Variants in SHMT2 observed in about 807,000 individuals in gnomAD.
SHMT2 encodes serine hydroxymethyltransferase 2, also known as serine hydroxymethyltransferase, mitochondrial.
A neutral mutation model predicts 59.6 loss-of-function variants in SHMT2; 38 were observed. The ratio of observed to expected loss-of-function variants is 0.64; its 90% CI spans 0.49 to 0.84. SHMT2 has a LOEUF of 0.84. Ranked by LOEUF, SHMT2 falls within the 40% of genes least tolerant of loss-of-function variation. SHMT2 has a pLI of 0.00. For synonymous variants in SHMT2, 254 were observed against 258.1 expected (o/e 0.98, Z 0.15); for missense variants, 533 against 659.5 (o/e 0.81, Z 2.10).
chr12:57,233,447 A>G, intron 8 of SHMT2, 102 bp downstream of exon 8: 1 of 1,504,914 alleles, frequency 6.6e-7, no homozygotes, highest in Non-Finnish European at 9.0e-7. Context: ...GGGAAATGCC[A>G]GGATGGAAGG....
chr12:57,232,346 C>A (rs2136789270), intron 5 of SHMT2, 54 bp downstream of exon 5: 7 of 1,613,038 alleles, frequency 4.3e-6, no homozygotes, highest in Non-Finnish European at 5.9e-6. Flanking sequence ...TGGTCCTCCC[C>A]TGGAGAAGCT....
Position 57,231,009 on chromosome 12 carries a change from T to C in SHMT2, c.231+9T>C. 1.2e-6 allele frequency: 2 copies of C among 1,612,778 alleles called. No homozygotes were observed. ...AGCTCATTGCCTCAGAGGTGGGACC[T>C]GGGGAGATGGGCAGGGGTTGGGCCA... is the stretch of plus-strand genomic sequence containing the variant. On this transcript the variant is annotated intron_variant, in intron 2 of 11. Coordinates refer to ENST00000328923, the MANE Select transcript of SHMT2 (RefSeq NM_005412.6).
At position 57,231,792 on chromosome 12, in the gene SHMT2, C is replaced by A. The variant is rs1415175004; in HGVS notation, c.391C>A (p.Pro131Thr). Residue 131 changes from proline to threonine, a missense_variant, in exon 4 of 12, where the codon CCT (proline) becomes ACT (threonine). By Grantham distance (38) the Pro-to-Thr change is conservative. Transcript: ENST00000328923. ...GGCCTTGGAAGCCTTTGACCTGGATCCTGCACAGTGGGGAGTCAATGTCCA... is the reference window on the plus strand; with the variant it reads ...GGCCTTGGAAGCCTTTGACCTGGATACTGCACAGTGGGGAGTCAATGTCCA... ...RRALEAFDLD[P>T]AQWGVNVQPY... The A allele has an allele frequency of 1.2e-6, 2 of 1,614,036 alleles. No individual in the cohort carries two copies. Among genetic ancestry groups the A allele is most frequent in the South Asian group, 1.1e-5 (1 of 91,090 alleles).
chr12:57,234,487 C>A lies in SHMT2; in HGVS notation c.*126C>A. On this transcript the variant is annotated 3_prime_UTR_variant, in exon 12 of 12. Coordinates refer to ENST00000328923, the MANE Select transcript of SHMT2 (RefSeq NM_005412.6). ...AAGACCTCTCACTTAGGGCAAGAGCCAGGTATAGTCTCCCTTCCCAGAATT... is the reference window on the plus strand; with the variant it reads ...AAGACCTCTCACTTAGGGCAAGAGCAAGGTATAGTCTCCCTTCCCAGAATT... 1.0e-6 allele frequency: 1 copy of A among 977,096 alleles called. No individual in the cohort carries two copies. Among genetic ancestry groups the A allele is most frequent in the Non-Finnish European group, 1.4e-6 (1 of 694,830 alleles). 60.5% of individuals were successfully genotyped at this position (977,096 alleles called of 1,614,324 possible). A position where few individuals can be genotyped will look rare whatever the true frequency, so the allele number is the denominator to read the frequency against.
intron 2 of SHMT2, 54 bp from the exon 3 acceptor site, chr12:57,231,427 G>A (rs2037312537): frequency 6.4e-7 from 1 of 1,567,042 alleles, no homozygotes; most frequent in African/African-American, 1.3e-5. Context: ...AGGGACTGTG[G>A]GAGTCCAGGG....
At position 57,229,718 on chromosome 12, in the gene SHMT2, C is replaced by G. The variant is rs780826184; in HGVS notation, c.-61C>G. The G allele has an allele frequency of 5.6e-6, 9 of 1,606,922 alleles. No homozygotes were observed. Among genetic ancestry groups the G allele is most frequent in the African/African-American group, 1.3e-5 (1 of 74,910 alleles). On this transcript the variant is annotated 5_prime_UTR_variant, in exon 1 of 12. Transcript: ENST00000328923. ...ATGCGTTCTCCGAACGGTCTTCTTC[C>G]GACAGCTTGCTGCCCTAGACCAGAG...
At position 57,231,516 on chromosome 12, in the gene SHMT2, G is replaced by T; in HGVS notation, c.267G>T (p.Gly89=). ...GCCGAGCTGCGCTGGAGGCCCTGGGGTCCTGTCTGAACAACAAGTACTCGG... is the reference window on the plus strand; with the variant it reads ...GCCGAGCTGCGCTGGAGGCCCTGGGTTCCTGTCTGAACAACAAGTACTCGG... ...FCSRAALEAL[G]SCLNNKYSEG... is the part of the protein sequence containing the mutation. The change falls in exon 3 of 12, where the codon GGG becomes GGT. Residue 89 remains glycine, a synonymous_variant. Transcript: ENST00000328923. 3 of 1,614,244 alleles carry T rather than the reference G, an allele frequency of 1.9e-6. No individual in the cohort carries two copies. Among genetic ancestry groups the T allele is most frequent in the Non-Finnish European group, 2.5e-6 (3 of 1,180,038 alleles).
At chr12:57,230,713 T>C in intron 1 of SHMT2, 90 bp from the exon 2 acceptor site, 2 of 1,517,442 alleles carry the variant, frequency 1.3e-6, no homozygotes, top group Non-Finnish European at 1.8e-6. Context: ...AACTGGCAGC[T>C]TGGTGTGGCC....
intron 1 of SHMT2, 28 bp downstream of exon 1, chr12:57,229,839 A>T: frequency 6.2e-7 from 1 of 1,613,824 alleles, no homozygotes; most frequent in Admixed American, 1.7e-5. Context: ...AACGCTGGGT[A>T]ATCAGTGGAA....
Position 57,232,564 on chromosome 12 carries a change from C to T in SHMT2, c.706C>T (p.Arg236Cys), listed in dbSNP as rs143192247. 2.1e-4 allele frequency: 332 copies of T among 1,614,036 alleles called. No individual in the cohort carries two copies. Among genetic ancestry groups the T allele is most frequent in the Non-Finnish European group, 2.7e-4 (314 of 1,180,022 alleles). ...SAYARLIDYA[R>C]MREVCDEVKA... ...CTATGCTCGCCTCATTGACTACGCC[C>T]GCATGAGAGAGGTTGGTGGGGGGGG... The change falls in exon 6 of 12, where the codon CGC becomes TGC. Residue 236 changes from arginine (R) to cysteine (C), a missense_variant. Arg to Cys is a radical substitution (Grantham distance 180). Coordinates refer to ENST00000328923, the MANE Select transcript of SHMT2 (RefSeq NM_005412.6).
rs777491878 is a variant in SHMT2, at chr12:57,234,437, C to T, written c.*76C>T. On this transcript the variant is annotated 3_prime_UTR_variant, in exon 12 of 12. Coordinates refer to ENST00000328923, the MANE Select transcript of SHMT2 (RefSeq NM_005412.6). The stretch of plus-strand genomic sequence containing the variant: ...TACCTGGGCCAGTGAAATAGAAAGC[C>T]TTTCTATTTTTTGGTGCGGGAGGGA... 22 of 1,482,420 alleles carry T rather than the reference C, an allele frequency of 1.5e-5. No homozygotes were observed. The highest frequency in any genetic ancestry group is 2.9e-5 in the South Asian group (2 of 68,862). 91.8% of individuals were successfully genotyped at this position (1,482,420 alleles called of 1,614,324 possible). A position where few individuals can be genotyped will look rare whatever the true frequency, so the allele number is the denominator to read the frequency against.
intron 8 of SHMT2, 100 bp downstream of exon 8, chr12:57,233,445 C>A: frequency 6.6e-7 from 1 of 1,504,734 alleles, no homozygotes; most frequent in Non-Finnish European, 9.0e-7. Flanking sequence ...AAGGGAAATG[C>A]CAGGATGGAA....
In SHMT2 at chr12:57,232,447, G is replaced by A. The variant is rs370198751; in HGVS notation, c.595-6G>A. The A allele has an allele frequency of 3.0e-5, 49 of 1,614,022 alleles. No individual in the cohort carries two copies. The highest frequency in any genetic ancestry group is 4.0e-5 in the Non-Finnish European group (47 of 1,180,024). On this transcript the variant is annotated splice_polypyrimidine_tract_variant and splice_region_variant and intron_variant, in intron 5 of 11. Coordinates refer to ENST00000328923, the MANE Select transcript of SHMT2 (RefSeq NM_005412.6). ...CAGGGCTTTAGCTGTTTGTGTGTCTGTCCAGCCCAAAACTGGCCTCATTGA... is the reference window on the plus strand; with the variant it reads ...CAGGGCTTTAGCTGTTTGTGTGTCTATCCAGCCCAAAACTGGCCTCATTGA...
In SHMT2 at chr12:57,234,307, A is replaced by G. The variant is rs752912737; in HGVS notation, c.1461A>G (p.Gln487=). ...ETSQRLANLR[Q]RVEQFARAFP... Reference sequence around the variant, plus strand: ...GTCAGCGTCTGGCCAACCTCAGGCAACGGGTGGAGCAGTTTGCCAGGGCCT... The same window carrying G: ...GTCAGCGTCTGGCCAACCTCAGGCAGCGGGTGGAGCAGTTTGCCAGGGCCT... Residue 487 remains glutamine, a synonymous_variant, in exon 12 of 12, where the codon CAA becomes CAG. Transcript: ENST00000328923. The G allele has an allele frequency of 7.4e-6, 12 of 1,613,590 alleles. No homozygotes were observed. The South Asian group carries it at 8.8e-5, about 12-fold the overall frequency.
chr12:57,233,358 G>A lies in SHMT2; in HGVS notation c.1023+13G>A. 3.8e-6 allele frequency: 6 copies of A among 1,583,458 alleles called. No homozygotes were observed. The highest frequency in any genetic ancestry group is 5.2e-6 in the Non-Finnish European group (6 of 1,163,186). ...GGCCCTAAAGCAGGTTGGGGATCCT[G>A]TCTTTGTAGGGTGTGGGGGGGCAAT... is the stretch of plus-strand genomic sequence containing the variant. On this transcript the variant is annotated intron_variant, in intron 8 of 11. Coordinates refer to ENST00000328923, the MANE Select transcript of SHMT2 (RefSeq NM_005412.6).
chr12:57,232,423 A>G, intron 5 of SHMT2, 30 bp from the exon 6 acceptor site: 1 of 1,614,106 alleles, frequency 6.2e-7, no homozygotes. Context: ...CTTCCTTCTC[A>G]GGGCTTTAGC....
In SHMT2 at chr12:57,233,326, T is replaced by C. The variant is rs371269540; in HGVS notation, c.1004T>C (p.Val335Ala). ...GGPHNHAIAA[V>A]AVALKQACTP... ...CCCCACAATCATGCCATTGCTGCAG[T>C]AGCTGTGGCCCTAAAGCAGGTTGGG... The change falls in exon 8 of 12, where the codon GTA (valine) becomes GCA (alanine). Residue 335 changes from valine (V) to alanine (A), a missense_variant. Val to Ala is a moderately conservative substitution (Grantham distance 64, BLOSUM62 0). Transcript: ENST00000328923. The C allele has an allele frequency of 2.6e-5, 41 of 1,600,022 alleles. No homozygotes were observed. The highest frequency in any genetic ancestry group is 3.2e-5 in the Non-Finnish European group (38 of 1,173,504).
chr12:57,233,457 G>A, intron 8 of SHMT2, 106 bp from the exon 9 acceptor site: 1 of 1,505,470 alleles, frequency 6.6e-7, no homozygotes, highest in East Asian at 2.3e-5. Flanking sequence ...AGGATGGAAG[G>A]AGTCAAGGCT....
Position 57,230,863 on chromosome 12 carries a change from G to C in SHMT2, c.94G>C (p.Ala32Pro). Residue 32 changes from alanine (A) to proline (P), a missense_variant, in exon 2 of 12, where the codon GCC (alanine) becomes CCC (proline). Ala to Pro is a conservative substitution (Grantham distance 27). Transcript: ENST00000328923. Reference sequence around the variant, plus strand: ...CATTCGGGCTCAGCACAGCAACGCAGCCCAGACTCAGACTGGGGAAGCAAA... The same window carrying C: ...CATTCGGGCTCAGCACAGCAACGCACCCCAGACTCAGACTGGGGAAGCAAA... ...MAIRAQHSNA[A>P]QTQTGEANRG... 1 of 1,614,128 alleles carries C rather than the reference G, an allele frequency of 6.2e-7. No individual in the cohort carries two copies. The highest frequency in any genetic ancestry group is 8.5e-7 in the Non-Finnish European group (1 of 1,180,026).
Sources: allele counts gnomAD v4.1 joint callset, GRCh38; gene constraint gnomAD v4.1.1; transcripts MANE v1.5; gene names NCBI Gene and HGNC (gene_info 2026-07-23, HGNC 2026-07-21).